The following RIMKLB variants were observed in gnomAD, a reference collection of about 807,000 sequenced individuals.
The protein encoded by RIMKLB is beta-citrylglutamate synthase B.
A neutral mutation model predicts 32.0 loss-of-function variants in RIMKLB; 7 were observed. The observed-to-expected ratio is 0.22, with a 90% CI of 0.12 to 0.41. The LOEUF (loss-of-function observed/expected upper bound fraction) is 0.41, where lower values mean the gene tolerates loss of function less well. Ranked by LOEUF, RIMKLB falls within the 10% of genes least tolerant of loss-of-function variation. The probability of loss-of-function intolerance (pLI) is 1.00; values close to 1 mark genes in which losing one functional copy is unlikely to be tolerated. For synonymous variants in RIMKLB, 172 were observed against 185.1 expected, an observed-to-expected ratio of 0.93 and a Z score of 0.57; for missense variants, 289 against 498.7, an observed-to-expected ratio of 0.58 and a Z score of 4.00.
chr12:8,778,868 T>C (rs746266987), downstream of RIMKLB, among the ~76,000 whole-genome samples: 12 of 152,210 alleles, frequency 7.9e-5, no homozygotes, highest in Non-Finnish European at 1.5e-4. Flanking sequence ...AGTTAGTGAA[T>C]AGGAATTCTT....
downstream of RIMKLB, chr12:8,777,738 G>T: frequency 8.1e-7 from 1 of 1,235,528 alleles, no homozygotes; most frequent in South Asian, 1.4e-5. Flanking sequence ...CCCCAATAAT[G>T]CAGCTGTATA....
Position 8,754,162 on chromosome 12 carries a change from T to C in RIMKLB, c.697+69T>C, listed in dbSNP as rs1591909741. ...TATAATTGTCCAGTGAGTATTCATA[T>C]GTATGTAACTCTAGACCTTCTTAAT... On this transcript the variant is annotated intron_variant, in intron 5 of 5. Coordinates refer to ENST00000535829, the MANE Select transcript of RIMKLB (RefSeq NM_001297776.2). The C allele has an allele frequency of 6.0e-6, 7 of 1,161,488 alleles. No homozygotes were observed. The South Asian group carries it at 8.6e-5, about 14-fold the overall frequency. 71.9% of individuals were successfully genotyped at this position (1,161,488 alleles called of 1,614,324 possible).
In RIMKLB at chr12:8,713,836, A is replaced by C; in HGVS notation, c.-31A>C. The stretch of plus-strand genomic sequence containing the variant: ...GTAGACGTTACATCCAAGAGGAAAT[A>C]ATCCAGGCAAGGAAGCACAAGCTGA... On this transcript the variant is annotated 5_prime_UTR_variant, in exon 2 of 6. Coordinates refer to ENST00000535829, the MANE Select transcript of RIMKLB (RefSeq NM_001297776.2). 1 of 1,613,006 alleles carries C rather than the reference A, an allele frequency of 6.2e-7. No individual in the cohort carries two copies.
At chr12:8,766,222 C>A (rs1161507963) in intron 5 of RIMKLB, among the ~76,000 whole-genome samples, 2 of 152,144 alleles carry the variant, frequency 1.3e-5, no homozygotes, top group Non-Finnish European at 2.9e-5. Flanking sequence ...GGGTGTGTAA[C>A]CACCCATGGA....
At chr12:8,724,633 T>C (rs1945802447) in intron 2 of RIMKLB, among the ~76,000 whole-genome samples, 1 of 152,222 alleles carries the variant, frequency 6.6e-6, no homozygotes, top group South Asian at 2.1e-4. Context: ...GCCTGGAGTC[T>C]AGCTTCATAA....
the RIMKLB span, among the ~76,000 whole-genome samples, chr12:8,675,059 C>T: frequency 6.6e-6 from 1 of 152,084 alleles, no homozygotes; most frequent in Non-Finnish European, 1.5e-5. Flanking sequence ...GACAGGGTTT[C>T]ACCATGTTGG....
chr12:8,683,506 A>G (rs899625391), intron 1 of RIMKLB, among the ~76,000 whole-genome samples: 2 of 152,204 alleles, frequency 1.3e-5, no homozygotes, highest in South Asian at 4.1e-4. Context: ...CCAATAACAT[A>G]TAATGTGCAG....
At chr12:8,743,326 C>G (rs1196610983) in intron 2 of RIMKLB, among the ~76,000 whole-genome samples, 1 of 144,328 alleles carries the variant, frequency 6.9e-6, no homozygotes, top group Non-Finnish European at 1.5e-5. Flanking sequence ...TGCACTCCAG[C>G]CTGGGTGACA....
rs753868206 is a variant in RIMKLB at position 8,702,734 on chromosome 12, G to A, written c.-57+4437G>A. Among the ~76,000 whole-genome samples, 4 of 152,348 alleles carry A rather than the reference G, an allele frequency of 2.6e-5. No homozygotes were observed. In the South Asian group the frequency reaches 8.3e-4, roughly 32 times the overall value. Reference sequence around the variant, plus strand: ...CTTCCCTGAGGCTTTGGAGTTCTCAGTTGTTAGTTTATTCCTTTGACATGT... The same window carrying A: ...CTTCCCTGAGGCTTTGGAGTTCTCAATTGTTAGTTTATTCCTTTGACATGT... On this transcript the variant is annotated intron_variant, in intron 1 of 5. Transcript: ENST00000535829.
intron 5 of RIMKLB, among the ~76,000 whole-genome samples, chr12:8,758,050 GCCTC>G (rs1196464269): frequency 1.3e-5 from 2 of 150,514 alleles, no homozygotes; most frequent in Non-Finnish European, 2.9e-5. Flanking sequence ...CCTGCCTCTT[GCCTC>G]CCTGAGAGCT....
chr12:8,697,772 G>C, upstream of RIMKLB: 1 of 195,998 alleles, frequency 5.1e-6, no homozygotes, highest in South Asian at 5.0e-5. Context: ...GGCGGCTCTC[G>C]ACGCAGGTGT....
chr12:8,775,253 T>C lies in RIMKLB; in HGVS notation c.*1469T>C, dbSNP rs1392691602. On this transcript the variant is annotated 3_prime_UTR_variant, in exon 6 of 6. Transcript: ENST00000535829. The stretch of plus-strand genomic sequence containing the variant: ...TTGGATGTTTTTGTTTGGGGACTTA[T>C]TTAGTAGTATTGAGTCTCTTATAGC... 5.1e-6 allele frequency: 5 copies of C among 985,468 alleles called. No homozygotes were observed. The East Asian group carries it at 3.4e-4, about 67-fold the overall frequency. 61.0% of individuals were successfully genotyped at this position (985,468 alleles called of 1,614,324 possible).
chr12:8,764,992 T>TA (rs1207698226), intron 5 of RIMKLB, among the ~76,000 whole-genome samples: 3 of 150,436 alleles, frequency 2.0e-5, no homozygotes, highest in African/African-American at 7.4e-5. Context: ...ATTTCTATTA[T>TA]AAAAAACCGA....
At chr12:8,781,442 G>A (rs1318851620), downstream of RIMKLB, among the ~76,000 whole-genome samples, 2 of 152,166 alleles carry the variant, frequency 1.3e-5, no homozygotes, top group East Asian at 1.9e-4. Context: ...TGAGGGTGGC[G>A]TGATCTCTTC....
chr12:8,696,472 A>T (rs190889447), upstream of RIMKLB, among the ~76,000 whole-genome samples: 20 of 152,368 alleles, frequency 1.3e-4, 1 homozygote, highest in East Asian at 2.5e-3. Context: ...TAATAGCACT[A>T]AACACTTTGA....
At chr12:8,732,811 CAT>C (rs1478475683) in intron 2 of RIMKLB, among the ~76,000 whole-genome samples, 1 of 150,318 alleles carries the variant, frequency 6.7e-6, no homozygotes, top group Non-Finnish European at 1.5e-5. Flanking sequence ...GCAAAAGAAT[CAT>C]ACACATTGCT....
chr12:8,731,885 T>G (rs1285823657), intron 2 of RIMKLB, among the ~76,000 whole-genome samples: 1 of 152,204 alleles, frequency 6.6e-6, no homozygotes, highest in East Asian at 1.9e-4. Flanking sequence ...TTTATCATGT[T>G]TGTTTCATCA....
chr12:8,686,497 T>G (rs1245817556), intron 1 of RIMKLB, among the ~76,000 whole-genome samples: 1 of 151,848 alleles, frequency 6.6e-6, no homozygotes, highest in Admixed American at 6.6e-5. Flanking sequence ...CTTTCGTTTT[T>G]GAGACGGAGT....
chr12:8,695,733 G>A (rs1377413550), upstream of RIMKLB, among the ~76,000 whole-genome samples: 1 of 122,592 alleles, frequency 8.2e-6, no homozygotes, highest in East Asian at 2.2e-4. Flanking sequence ...TTTTGCTCTT[G>A]TTGCCCAGGC....
Sources: allele counts gnomAD v4.1 joint callset (sites outside exome capture counted in the v4.1 genomes callset), GRCh38; gene constraint gnomAD v4.1.1; transcripts MANE v1.5; gene names NCBI Gene and HGNC (gene_info 2026-07-23, HGNC 2026-07-21).